Variants in TMEM201 observed in about 807,000 individuals in gnomAD.
TMEM201 encodes the protein RP13-15M17.2.
TMEM201 carries 26 observed loss-of-function variants against 63.4 expected under a neutral mutation model. That is an observed-to-expected ratio of 0.41 (90% CI 0.30 to 0.57). The LOEUF (loss-of-function observed/expected upper bound fraction) is 0.57, where lower values mean the gene tolerates loss of function less well. Among genes scored for constraint, TMEM201 ranks in the 20% least tolerant of loss-of-function variants. The probability of loss-of-function intolerance (pLI) is 0.29; values close to 1 mark genes in which losing one functional copy is unlikely to be tolerated. For missense variants in TMEM201, 794 were observed against 917.7 expected (o/e 0.87, Z 1.74); for synonymous variants, 417 against 421.6 (o/e 0.99, Z 0.14).
In TMEM201 at chr1:9,609,838, A is replaced by G. The variant is rs1380879648; in HGVS notation, c.1394-2A>G. On this transcript the variant is annotated splice_acceptor_variant, in intron 7 of 10. Transcript: ENST00000340381. LOFTEE classifies it high-confidence loss of function. ...GTGTCGCCCGCTTCTCTCTGTCTCC[A>G]GACTCCGGCTATCTGTTCAGCGGTA... The G allele has an allele frequency of 1.3e-6, 2 of 1,551,322 alleles. No homozygotes were observed. Among genetic ancestry groups the G allele is most frequent in the Admixed American group, 3.9e-5 (2 of 50,988 alleles).
rs954201367 is a variant in TMEM201, at chr1:9,604,441, G to A, written c.1160+2169G>A. On this transcript the variant is annotated intron_variant, in intron 6 of 10. Coordinates refer to ENST00000340381, the MANE Select transcript of TMEM201 (RefSeq NM_001130924.3). The surrounding 1 kb of genome is among the most constrained non-coding windows in gnomAD (Gnocchi z 4.1). ...ATGTGTCCCTTAAAAGTTTCACTAC[G>A]TGGAGAAAATTCCAGCACCAAGTGT... The A allele has an allele frequency of 1.8e-5, 18 of 985,400 alleles. No homozygotes were observed. The highest frequency in any genetic ancestry group is 6.1e-5 in the Admixed American group (1 of 16,286). 61.0% of individuals were successfully genotyped at this position (985,400 alleles called of 1,614,324 possible).
At chr1:9,599,585 G>A (rs1313158107) in intron 4 of TMEM201, among the ~76,000 whole-genome samples, 7 of 151,572 alleles carry the variant, frequency 4.6e-5, no homozygotes, top group Non-Finnish European at 1.0e-4. Flanking sequence ...ATTTTGTGAA[G>A]TTCTCACCAA....
In TMEM201 at chr1:9,610,036, G is replaced by C; in HGVS notation, c.1465+125G>C. Reference sequence around the variant, plus strand: ...AAGTGTGTGTTCACATCTCAGCCCTGGGCAAGTGACCTACACACCTGTGCC... The same window carrying C: ...AAGTGTGTGTTCACATCTCAGCCCTCGGCAAGTGACCTACACACCTGTGCC... On this transcript the variant is annotated intron_variant, in intron 8 of 10. Coordinates refer to ENST00000340381, the MANE Select transcript of TMEM201 (RefSeq NM_001130924.3). This position sits in a 1 kb window ranked among gnomAD's most constrained non-coding sequence, Gnocchi z 4.9. 1.1e-6 allele frequency: 1 copy of C among 885,836 alleles called. No homozygotes were observed. The highest frequency in any genetic ancestry group is 1.5e-5 in the South Asian group (1 of 65,868). The allele number at this position is 885,836 out of a possible 1,614,324, so 54.9% of individuals were successfully genotyped here. A position where few individuals can be genotyped will look rare whatever the true frequency, so the allele number is the denominator to read the frequency against.
rs541708083 is a variant in TMEM201 at position 9,608,294 on chromosome 1, G to A, written c.1393+505G>A. 2.0e-5 allele frequency among the ~76,000 whole-genome samples: 3 copies of A among 152,168 alleles called. No homozygotes were observed. The highest frequency in any genetic ancestry group is 6.5e-5 in the Admixed American group (1 of 15,290). Reference sequence around the variant, plus strand: ...CCATATCATCTGGGAGCCCCAGCACGGCCCCTTAGTCCCAGCTCTGGTGAC... The same window carrying A: ...CCATATCATCTGGGAGCCCCAGCACAGCCCCTTAGTCCCAGCTCTGGTGAC... On this transcript the variant is annotated intron_variant, in intron 7 of 10. Coordinates refer to ENST00000340381, the MANE Select transcript of TMEM201 (RefSeq NM_001130924.3). The surrounding 1 kb of genome is among the most constrained non-coding windows in gnomAD (Gnocchi z 4.3).
rs1271577184 is a variant in TMEM201, at chr1:9,609,825, T to G, written c.1394-15T>G. 1 of 1,551,114 alleles carries G rather than the reference T, an allele frequency of 6.4e-7. No homozygotes were observed. Among genetic ancestry groups the G allele is most frequent in the Non-Finnish European group, 8.7e-7 (1 of 1,146,890 alleles). On this transcript the variant is annotated splice_polypyrimidine_tract_variant and intron_variant, in intron 7 of 10. Transcript: ENST00000340381. Reference sequence around the variant, plus strand: ...CCACAGGCCTGACGTGTCGCCCGCTTCTCTCTGTCTCCAGACTCCGGCTAT... The same window carrying G: ...CCACAGGCCTGACGTGTCGCCCGCTGCTCTCTGTCTCCAGACTCCGGCTAT...
chr1:9,589,648 AC>A (rs1009017109), intron 1 of TMEM201, among the ~76,000 whole-genome samples: 7 of 152,050 alleles, frequency 4.6e-5, no homozygotes, highest in African/African-American at 1.7e-4. Context: ...GGCCGGGGCC[AC>A]CCTCCTCCCT....
Position 9,604,916 on chromosome 1 carries a change from GT to G in TMEM201, c.1161-2637del. 6.1e-6 allele frequency: 6 copies of G among 985,954 alleles called. No homozygotes were observed. The highest frequency in any genetic ancestry group is 7.2e-6 in the Non-Finnish European group (6 of 829,978). The allele number at this position is 985,954 out of a possible 1,614,324, so 61.1% of individuals were successfully genotyped here. A position where few individuals can be genotyped will look rare whatever the true frequency, so the allele number is the denominator to read the frequency against. ...CTAGATGTCGTGTTTTGGATGCTGT[GT>G]TTTCAATAAATGCCTCTGGGGCCCT... On this transcript the variant is annotated intron_variant, in intron 6 of 10. Transcript: ENST00000340381. This position sits in a 1 kb window ranked among gnomAD's most constrained non-coding sequence, Gnocchi z 4.1.
At chr1:9,602,296 G>C in intron 6 of TMEM201, 24 bp downstream of exon 6, 1 of 1,608,372 alleles carries the variant, frequency 6.2e-7, no homozygotes, top group South Asian at 1.1e-5. Flanking sequence ...CCATGACTGC[G>C]GGGGGAGGAC....
At position 9,605,263 on chromosome 1, in the gene TMEM201, G is replaced by A. The variant is rs779072757; in HGVS notation, c.1161-2294G>A. 1.3e-5 allele frequency among the ~76,000 whole-genome samples: 2 copies of A among 152,270 alleles called. No homozygotes were observed. The highest frequency in any genetic ancestry group is 4.1e-4 in the South Asian group (2 of 4,824). ...GGTGTCAGATGAGCGTATCCGCTCC[G>A]GCACTCCCCAGAGCCAGCATCCAGG... On this transcript the variant is annotated intron_variant, in intron 6 of 10. Coordinates refer to ENST00000340381, the MANE Select transcript of TMEM201 (RefSeq NM_001130924.3). The surrounding 1 kb of genome is among the most constrained non-coding windows in gnomAD (Gnocchi z 5.7).
At position 9,611,849 on chromosome 1, in the gene TMEM201, C is replaced by T. The variant is rs1206472613; in HGVS notation, c.1862C>T (p.Thr621Ile). The change falls in exon 10 of 11, where the codon ACC becomes ATC. Residue 621 changes from threonine to isoleucine, a missense_variant. Thr to Ile is a moderately conservative substitution (Grantham distance 89, BLOSUM62 -1). Coordinates refer to ENST00000340381, the MANE Select transcript of TMEM201 (RefSeq NM_001130924.3). ...SSQSSTCVVD[T>I]TTRGCSEEAA... ...CAGTCATCTACCTGTGTGGTGGACACCACCACCAGGGGCTGCTCGGAGGAG... is the reference window on the plus strand; with the variant it reads ...CAGTCATCTACCTGTGTGGTGGACATCACCACCAGGGGCTGCTCGGAGGAG... The T allele has an allele frequency of 6.4e-7, 1 of 1,550,672 alleles. No individual in the cohort carries two copies. The highest frequency in any genetic ancestry group is 8.7e-7 in the Non-Finnish European group (1 of 1,146,940).
In TMEM201 at chr1:9,597,355, A is replaced by G. The variant is rs139204969; in HGVS notation, c.429+302A>G. 1.6e-4 allele frequency among the ~76,000 whole-genome samples: 25 copies of G among 152,330 alleles called. No individual in the cohort carries two copies. In the East Asian group the frequency reaches 4.6e-3, roughly 28 times the overall value. ...TGGAAACCCCAGCACCTGCCAGTCC[A>G]GAGGAATTTGTCCCTGGGCAGAGGG... On this transcript the variant is annotated intron_variant, in intron 3 of 10. Coordinates refer to ENST00000340381, the MANE Select transcript of TMEM201 (RefSeq NM_001130924.3).
At chr1:9,595,142 C>A (rs1643993649) in intron 1 of TMEM201, among the ~76,000 whole-genome samples, 1 of 152,192 alleles carries the variant, frequency 6.6e-6, no homozygotes, top group African/African-American at 2.4e-5. Context: ...TCTCTGCCCA[C>A]CCCTCCCCAG....
In TMEM201 at chr1:9,608,994, G is replaced by A. The variant is rs950108868; in HGVS notation, c.1394-846G>A. Among the ~76,000 whole-genome samples, 4 of 152,148 alleles carry A rather than the reference G, an allele frequency of 2.6e-5. No individual in the cohort carries two copies. Among genetic ancestry groups the A allele is most frequent in the Admixed American group, 6.5e-5 (1 of 15,278 alleles). The stretch of plus-strand genomic sequence containing the variant: ...GGCTTTGGCTCATGTATTCAGAGAC[G>A]CGCTGGACCGGGCTCAGGTGCTGTG... On this transcript the variant is annotated intron_variant, in intron 7 of 10. Coordinates refer to ENST00000340381, the MANE Select transcript of TMEM201 (RefSeq NM_001130924.3). The surrounding 1 kb of genome is among the most constrained non-coding windows in gnomAD (Gnocchi z 4.3).
intron 4 of TMEM201, among the ~76,000 whole-genome samples, chr1:9,599,167 T>C (rs1644087580): frequency 6.6e-6 from 1 of 152,074 alleles, no homozygotes; most frequent in Non-Finnish European, 1.5e-5. Flanking sequence ...CTTGAACTCC[T>C]GACCTCAGGT....
intron 9 of TMEM201, chr1:9,611,168 C>A: frequency 2.8e-6 from 2 of 721,118 alleles, no homozygotes; most frequent in African/African-American, 1.9e-5. Context: ...AAACCTACAA[C>A]TTTCAACTTT....
In TMEM201 at chr1:9,604,737, G is replaced by A. The variant is rs906974918; in HGVS notation, c.1160+2465G>A. On this transcript the variant is annotated intron_variant, in intron 6 of 10. Transcript: ENST00000340381. The surrounding 1 kb of genome is among the most constrained non-coding windows in gnomAD (Gnocchi z 4.1). The stretch of plus-strand genomic sequence containing the variant: ...TTGCCTGGGAGCAAACCGCCAGGAC[G>A]CAGCCTCCACGCCGCACCTGCCACA... The A allele has an allele frequency of 2.3e-5, 23 of 985,846 alleles. No homozygotes were observed. The highest frequency in any genetic ancestry group is 2.7e-5 in the Non-Finnish European group (22 of 830,036). 61.1% of individuals were successfully genotyped at this position (985,846 alleles called of 1,614,324 possible).
At chr1:9,609,759 G>A in intron 7 of TMEM201, 81 bp from the exon 8 acceptor site, 1 of 1,351,276 alleles carries the variant, frequency 7.4e-7, no homozygotes. Flanking sequence ...AGGCTGGATT[G>A]GGATTTCGGC....
chr1:9,602,185 GCAC>G lies in TMEM201; in HGVS notation c.1077_1079del (p.Thr360del). 6.2e-7 allele frequency: 1 copy of G among 1,613,220 alleles called. No individual in the cohort carries two copies. Among genetic ancestry groups the G allele is most frequent in the Non-Finnish European group, 8.5e-7 (1 of 1,180,016 alleles). ...AGCTGGCTAGACACGCTCAAGTTCA[GCAC>G]CACATCTTTGTGCTGCCTGGTTGGC... is the stretch of plus-strand genomic sequence containing the variant. On this transcript the variant is annotated inframe_deletion, in exon 6 of 11. Coordinates refer to ENST00000340381, the MANE Select transcript of TMEM201 (RefSeq NM_001130924.3).
intron 4 of TMEM201, among the ~76,000 whole-genome samples, chr1:9,599,406 G>A (rs1644092642): frequency 6.7e-6 from 1 of 148,704 alleles, no homozygotes; most frequent in South Asian, 2.1e-4. Flanking sequence ...CATCACCACA[G>A]CCGACTAATA....
Sources: allele counts gnomAD v4.1 joint callset (sites outside exome capture counted in the v4.1 genomes callset), GRCh38; gene constraint gnomAD v4.1.1; non-coding constraint Gnocchi (gnomAD v3.1); transcripts MANE v1.5; gene names NCBI Gene and HGNC (gene_info 2026-07-23, HGNC 2026-07-21).